Variants in PDE4D observed in about 807,000 individuals in gnomAD.
PDE4D encodes phosphodiesterase 4D.
PDE4D carries 24 observed loss-of-function variants against 87.4 expected under a neutral mutation model. That is an observed-to-expected ratio of 0.27 (90% confidence interval 0.20 to 0.39). The LOEUF (loss-of-function observed/expected upper bound fraction) is 0.39. PDE4D is among the 10% of genes least tolerant of loss of function. The pLI is 1.00. For synonymous variants in PDE4D, 384 were observed against 383.2 expected (o/e 1.00, Z -0.02); for missense variants, 714 against 1,041.0 (o/e 0.69, Z 4.32).
chr5:59,699,265 A>T (rs1048093078), intron 1 of PDE4D, among the ~76,000 whole-genome samples: 1 of 152,324 alleles, frequency 6.6e-6, no homozygotes, highest in African/African-American at 2.4e-5. Flanking sequence ...ATCAGAAATT[A>T]TGTAAATTAA....
intron 1 of PDE4D, among the ~76,000 whole-genome samples, chr5:59,750,538 A>G (rs1243599682): frequency 6.6e-6 from 1 of 152,192 alleles, no homozygotes; most frequent in Non-Finnish European, 1.5e-5. Flanking sequence ...TGTCTTACAT[A>G]CAACTCTGTA....
chr5:59,693,616 G>C (rs1253480687), intron 1 of PDE4D, among the ~76,000 whole-genome samples: 1 of 152,152 alleles, frequency 6.6e-6, no homozygotes, highest in African/African-American at 2.4e-5. Flanking sequence ...TTATGAGGTA[G>C]TTACAAATGT....
chr5:59,733,603 T>C (rs757172339), intron 1 of PDE4D, among the ~76,000 whole-genome samples: 4 of 152,112 alleles, frequency 2.6e-5, no homozygotes, highest in Non-Finnish European at 4.4e-5. Context: ...AGTTGAAATG[T>C]TACTTTAAGT....
At position 60,210,616 on chromosome 5, in the gene PDE4D, C is replaced by T. The variant is rs77556595; in HGVS notation, c.-89-24929G>A. On this transcript the variant is annotated intron_variant, in intron 1 of 16. Transcript: ENST00000502484. ...ATCTCTGAAGTAAAAAAGGATACAC[C>T]CCCCTCCCCAATTTTTTTAACCTGG... Among the ~76,000 whole-genome samples, 94 of 152,030 alleles carry T rather than the reference C, an allele frequency of 6.2e-4. 2 individuals carry two copies. In the East Asian group the frequency reaches 0.018, roughly 29 times the overall value.
intron 1 of PDE4D, among the ~76,000 whole-genome samples, chr5:59,530,855 G>A (rs565783882): frequency 6.6e-6 from 1 of 152,166 alleles, no homozygotes; most frequent in Non-Finnish European, 1.5e-5. Context: ...AATATAATTT[G>A]AGATCCCTTT....
chr5:60,128,595 C>T (rs1474204779), intron 2 of PDE4D, among the ~76,000 whole-genome samples: 1 of 152,182 alleles, frequency 6.6e-6, no homozygotes, highest in Non-Finnish European at 1.5e-5. Flanking sequence ...TGGAAGGCAG[C>T]TGGTGAACCA....
At chr5:60,068,547 A>G (rs1440868833) in intron 2 of PDE4D, among the ~76,000 whole-genome samples, 1 of 151,826 alleles carries the variant, frequency 6.6e-6, no homozygotes, top group Non-Finnish European at 1.5e-5. Flanking sequence ...CCCATTCTGT[A>G]AGTGTCCTTT....
intron 3 of PDE4D, among the ~76,000 whole-genome samples, chr5:59,961,343 T>G (rs544816909): frequency 1.3e-5 from 2 of 148,556 alleles, no homozygotes; most frequent in Admixed American, 1.3e-4. Flanking sequence ...AGGCAGAGAT[T>G]GAACCTCATG....
At chr5:59,955,516 C>A (rs973452576) in intron 3 of PDE4D, among the ~76,000 whole-genome samples, 2 of 152,204 alleles carry the variant, frequency 1.3e-5, no homozygotes, top group Non-Finnish European at 2.9e-5. Context: ...TGGCCTGAAT[C>A]TACTCAGGAT....
At chr5:59,339,970 C>T (rs1314771662) in intron 1 of PDE4D, among the ~76,000 whole-genome samples, 1 of 151,306 alleles carries the variant, frequency 6.6e-6, no homozygotes, top group African/African-American at 2.4e-5. Context: ...AAGCAATTCT[C>T]ATTGGTGCAT....
intron 1 of PDE4D, among the ~76,000 whole-genome samples, chr5:59,408,986 A>G (rs1330799737): frequency 1.3e-5 from 2 of 152,002 alleles, no homozygotes; most frequent in Non-Finnish European, 2.9e-5. Context: ...CCATCTCTAC[A>G]AAAATACAAA....
intron 1 of PDE4D, among the ~76,000 whole-genome samples, chr5:59,510,629 A>C (rs1468112339): frequency 1.3e-5 from 2 of 151,840 alleles, no homozygotes; most frequent in Non-Finnish European, 3.0e-5. Flanking sequence ...GACATAGATA[A>C]AAAATAGTAA....
At chr5:59,263,053 T>C (rs1268091391) in intron 1 of PDE4D, among the ~76,000 whole-genome samples, 2 of 152,008 alleles carry the variant, frequency 1.3e-5, no homozygotes, top group South Asian at 4.1e-4. Flanking sequence ...CCGGATACTA[T>C]ACAACTCTTG....
chr5:60,300,572 T>G (rs1406316083), intron 1 of PDE4D, among the ~76,000 whole-genome samples: 1 of 152,166 alleles, frequency 6.6e-6, no homozygotes, highest in Non-Finnish European at 1.5e-5. Context: ...GAGTTAATTT[T>G]TGTATATGGT....
chr5:60,063,184 A>T (rs973648182), intron 2 of PDE4D, among the ~76,000 whole-genome samples: 1 of 151,936 alleles, frequency 6.6e-6, no homozygotes, highest in South Asian at 2.1e-4. Flanking sequence ...AAGAGAAAGA[A>T]AAAGAAAGAA....
intron 1 of PDE4D, among the ~76,000 whole-genome samples, chr5:59,553,824 A>T (rs1195368327): frequency 6.6e-6 from 1 of 152,202 alleles, no homozygotes; most frequent in Non-Finnish European, 1.5e-5. Flanking sequence ...CAAACATTAC[A>T]AAGTGAAATG....
chr5:59,367,533 C>A (rs1237531730), intron 1 of PDE4D, among the ~76,000 whole-genome samples: 1 of 152,064 alleles, frequency 6.6e-6, no homozygotes, highest in African/African-American at 2.4e-5. Flanking sequence ...GTTGATTAGA[C>A]TTCAAACAAA....
rs567472100 is a variant in PDE4D at position 59,401,872 on chromosome 5, G to C, written c.456-185904C>G. 2.0e-5 allele frequency among the ~76,000 whole-genome samples: 3 copies of C among 152,306 alleles called. No homozygotes were observed. The East Asian group carries it at 5.8e-4, about 29-fold the overall frequency. On this transcript the variant is annotated intron_variant, in intron 1 of 14. Coordinates refer to ENST00000340635, the MANE Select transcript of PDE4D (RefSeq NM_001104631.2). ...GACACACCTGTCTTTCAGGAAGCCT[G>C]GCAGTCCTAAGCTGAATGAATAGCA...
intron 1 of PDE4D, among the ~76,000 whole-genome samples, chr5:60,485,035 T>A (rs1192661418): frequency 6.6e-6 from 1 of 152,206 alleles, no homozygotes; most frequent in Non-Finnish European, 1.5e-5. Context: ...AATGTTCTGC[T>A]TCTTGAAATC....
Sources: gnomAD v4.1 joint callset for allele counts (sites outside exome capture counted in the v4.1 genomes callset) on GRCh38, gnomAD v4.1.1 for gene constraint, MANE v1.5 for transcripts, NCBI Gene and HGNC (gene_info 2026-07-23, HGNC 2026-07-21) for gene names.